The following TBC1D31 variants were observed in gnomAD, a reference collection of about 807,000 sequenced individuals.
TBC1D31 encodes the protein TBC1 domain family member 31, also known as WD repeat domain 67.
A neutral mutation model predicts 132.9 loss-of-function variants in TBC1D31; 99 were observed. That is an observed-to-expected ratio of 0.74 (90% CI 0.63 to 0.88). The LOEUF (loss-of-function observed/expected upper bound fraction) is 0.88. Among genes scored for constraint, TBC1D31 ranks in the 40% least tolerant of loss-of-function variants. The pLI is 0.00. For missense variants in TBC1D31, 1,134 were observed against 1,256.6 expected, an observed-to-expected ratio of 0.90 and a Z score of 1.48; for synonymous variants, 385 against 419.4, an observed-to-expected ratio of 0.92 and a Z score of 1.00.
At chr8:123,129,261 AG>A in intron 15 of TBC1D31, 43 bp downstream of exon 15, 1 of 1,333,028 alleles carries the variant, frequency 7.5e-7, no homozygotes, top group Non-Finnish European at 1.0e-6. Flanking sequence ...CATATAAGTT[AG>A]TTGAATAATT....
chr8:123,161,792 G>T, the TBC1D31 span, among the ~76,000 whole-genome samples: 3 of 151,782 alleles, frequency 2.0e-5, no homozygotes, highest in Admixed American at 2.0e-4. Flanking sequence ...CGAGGCGGGC[G>T]GATCACCTGA....
At chr8:123,162,291 G>A in the TBC1D31 span, among the ~76,000 whole-genome samples, 6 of 152,276 alleles carry the variant, frequency 3.9e-5, no homozygotes, top group East Asian at 1.2e-3. Flanking sequence ...ATTTTACAGA[G>A]TGGAAAGTGT....
At chr8:123,140,351 G>C (rs1309304945) in intron 17 of TBC1D31, among the ~76,000 whole-genome samples, 1 of 152,170 alleles carries the variant, frequency 6.6e-6, no homozygotes, top group Non-Finnish European at 1.5e-5. Flanking sequence ...GACACAGTGA[G>C]ACTCTGTCTC....
downstream of TBC1D31, among the ~76,000 whole-genome samples, chr8:123,153,910 C>G (rs576034508): frequency 9.8e-5 from 15 of 152,350 alleles, no homozygotes; most frequent in Admixed American, 9.1e-4. Context: ...TGGGCTTCAG[C>G]TAAATCACTC....
rs573279238 is a variant in TBC1D31, at chr8:123,126,429, G to A, written c.1705-79G>A. The stretch of plus-strand genomic sequence containing the variant: ...TAATATGATTTTCATAGCTTAAATC[G>A]AATGTAAGGGAATATTACCAATGAC... On this transcript the variant is annotated intron_variant, in intron 12 of 21. Coordinates refer to ENST00000287380, the MANE Select transcript of TBC1D31 (RefSeq NM_145647.4). 2.2e-5 allele frequency: 29 copies of A among 1,316,770 alleles called. No individual in the cohort carries two copies. The South Asian group carries it at 2.9e-4, about 13-fold the overall frequency. The allele number at this position is 1,316,770 out of a possible 1,614,324, so 81.6% of individuals were successfully genotyped here.
In TBC1D31 at chr8:123,140,788, G is replaced by A; in HGVS notation, c.2527G>A (p.Ala843Thr). Residue 843 changes from alanine (A) to threonine (T), a missense_variant, in exon 18 of 22, where the codon GCA becomes ACA. Coordinates refer to ENST00000287380, the MANE Select transcript of TBC1D31 (RefSeq NM_145647.4). ...TCTTACTGAAAATCAAGAAGCTCTT[G>A]CAAAAGAAATGCGAGCAGATGCAGA... ...KNLTENQEAL[A>T]KEMRADADAY... 1.2e-6 allele frequency: 2 copies of A among 1,606,816 alleles called. No homozygotes were observed. Among genetic ancestry groups the A allele is most frequent in the Non-Finnish European group, 1.7e-6 (2 of 1,178,300 alleles).
downstream of TBC1D31, among the ~76,000 whole-genome samples, chr8:123,152,481 C>T (rs76400672): frequency 1.4e-3 from 210 of 152,298 alleles, no homozygotes; most frequent in African/African-American, 4.8e-3. Context: ...CTCTTCCTCC[C>T]TCCCTCCACT....
chr8:123,157,458 A>C, the TBC1D31 span, among the ~76,000 whole-genome samples: 1 of 152,126 alleles, frequency 6.6e-6, no homozygotes, highest in Non-Finnish European at 1.5e-5. Flanking sequence ...GTCAATTAAC[A>C]AACACTGTGG....
intron 20 of TBC1D31, among the ~76,000 whole-genome samples, chr8:123,147,451 C>T (rs978318619): frequency 3.7e-4 from 57 of 152,066 alleles, no homozygotes; most frequent in Admixed American, 6.6e-5. Context: ...GGATTACAGG[C>T]GTGATCCACC....
chr8:123,073,403 C>T (rs1435457689), intron 1 of TBC1D31: 1 of 456,272 alleles, frequency 2.2e-6, no homozygotes, highest in East Asian at 7.0e-5. Flanking sequence ...AAACACACTT[C>T]CGGTTCTCTG....
Position 123,151,427 on chromosome 8 carries a change from G to A in TBC1D31, c.3068-379G>A, listed in dbSNP as rs576789451. 1.1e-4 allele frequency among the ~76,000 whole-genome samples: 17 copies of A among 152,244 alleles called. No individual in the cohort carries two copies. In the South Asian group the frequency reaches 3.5e-3, roughly 32 times the overall value. ...CTTATTTTTATTTATTTATTGGAAA[G>A]GTAATCATGGTGTATATTTCACAGT... On this transcript the variant is annotated intron_variant, in intron 21 of 21. Transcript: ENST00000287380.
intron 18 of TBC1D31, among the ~76,000 whole-genome samples, chr8:123,141,459 A>T (rs563219903): frequency 2.0e-5 from 3 of 152,380 alleles, no homozygotes; most frequent in Non-Finnish European, 4.4e-5. Context: ...AATTTCCAAG[A>T]TGTATTTCAG....
At chr8:123,138,607 G>A (rs999058411) in intron 17 of TBC1D31, among the ~76,000 whole-genome samples, 63 of 152,188 alleles carry the variant, frequency 4.1e-4, no homozygotes, top group African/African-American at 1.5e-3. Context: ...GCCCCTGGCA[G>A]CCACGAAGCT....
intron 10 of TBC1D31, among the ~76,000 whole-genome samples, chr8:123,116,399 CA>C (rs1818906387): frequency 6.6e-6 from 1 of 151,942 alleles, no homozygotes; most frequent in Non-Finnish European, 1.5e-5. Flanking sequence ...TTTTTGTATA[CA>C]AATAGCTCAA....
chr8:123,154,662 T>C (rs919826995), downstream of TBC1D31, among the ~76,000 whole-genome samples: 3 of 152,110 alleles, frequency 2.0e-5, no homozygotes, highest in Non-Finnish European at 4.4e-5. Flanking sequence ...GTGCTCAGAG[T>C]GCATCAGGGT....
chr8:123,113,792 TTTAAA>T (rs1478211527), intron 10 of TBC1D31, among the ~76,000 whole-genome samples: 1 of 152,200 alleles, frequency 6.6e-6, no homozygotes, highest in East Asian at 1.9e-4. Context: ...AATTTTTAAA[TTTAAA>T]TTTTACATTT....
At chr8:123,155,023 C>A (rs758308294), downstream of TBC1D31, among the ~76,000 whole-genome samples, 1 of 152,162 alleles carries the variant, frequency 6.6e-6, no homozygotes, top group Non-Finnish European at 1.5e-5. This position sits in a 1 kb window ranked among gnomAD's most constrained non-coding sequence, Gnocchi z 4.1. Context: ...ATAACTGCCA[C>A]GCTTATACCA....
At chr8:123,114,160 G>T (rs1818703258) in intron 10 of TBC1D31, among the ~76,000 whole-genome samples, 1 of 152,192 alleles carries the variant, frequency 6.6e-6, no homozygotes, top group African/African-American at 2.4e-5. Context: ...GCCAAAAATT[G>T]AGGGGATATA....
chr8:123,127,185 A>G (rs1407849450), intron 13 of TBC1D31, among the ~76,000 whole-genome samples: 1 of 151,800 alleles, frequency 6.6e-6, no homozygotes, highest in Non-Finnish European at 1.5e-5. Flanking sequence ...AAAGTAGGCA[A>G]TTATAGCAGG....
Sources: gnomAD v4.1 joint callset for allele counts (sites outside exome capture counted in the v4.1 genomes callset) on GRCh38, gnomAD v4.1.1 for gene constraint, Gnocchi (gnomAD v3.1) non-coding constraint, MANE v1.5 for transcripts, NCBI Gene and HGNC (gene_info 2026-07-23, HGNC 2026-07-21) for gene names.